The following THSD7B variants were observed in gnomAD, a reference collection of about 807,000 sequenced individuals.
THSD7B encodes thrombospondin type-1 domain-containing protein 7B.
A neutral mutation model predicts 213.6 loss-of-function variants in THSD7B; 138 were observed. The ratio of observed to expected loss-of-function variants is 0.65; its 90% CI spans 0.56 to 0.74. THSD7B has a LOEUF of 0.74. Among genes scored for constraint, THSD7B ranks in the 30% least tolerant of loss-of-function variants. THSD7B has a pLI of 0.00. For synonymous variants in THSD7B, 742 were observed against 687.0 expected (o/e 1.08, Z -1.25); for missense variants, 1,931 against 1,991.5 (o/e 0.97, Z 0.58).
At chr2:136,771,270 A>G (rs1212610244) in intron 1 of THSD7B, among the ~76,000 whole-genome samples, 1 of 152,164 alleles carries the variant, frequency 6.6e-6, no homozygotes, top group Non-Finnish European at 1.5e-5. Flanking sequence ...CTTCTGGCCA[A>G]TCACAGAGAG....
At chr2:137,089,245 GGTGT>G (rs70975799) in intron 3 of THSD7B, among the ~76,000 whole-genome samples, 12,847 of 126,458 alleles carry the variant, frequency 0.1, 1,013 homozygotes, top group African/African-American at 0.21. Context: ...TAAAGAAAGT[GGTGT>G]GTGTGTGTGT....
In THSD7B at chr2:136,950,409, G is replaced by A. The variant is rs117086681; in HGVS notation, c.139+68092G>A. ...TAGCAAACCTGCACGTTCTGCACAT[G>A]TATCCCAAAACTGAAAGTAAAATAA... On this transcript the variant is annotated intron_variant, in intron 2 of 27. Transcript: ENST00000409968. 7.6e-3 allele frequency among the ~76,000 whole-genome samples: 1,156 copies of A among 152,204 alleles called. 34 individuals carry two copies. The highest frequency in any genetic ancestry group is 0.075 in the East Asian group (386 of 5,180).
chr2:137,056,644 G>C lies in THSD7B; in HGVS notation c.364G>C (p.Gly122Arg). 2 of 1,613,940 alleles carry C rather than the reference G, an allele frequency of 1.2e-6. No homozygotes were observed. Among genetic ancestry groups the C allele is most frequent in the Non-Finnish European group, 1.7e-6 (2 of 1,179,886 alleles). ...HHCVLVPYARGEVKPRTAECV... is the reference protein window; with the variant it reads ...HHCVLVPYARREVKPRTAECV... The stretch of plus-strand genomic sequence containing the variant: ...CTGTGTGCTTGTTCCTTACGCTCGC[G>C]GTGAAGTCAAGCCTCGGACTGCAGA... Residue 122 changes from glycine (G) to arginine (R), a missense_variant, in exon 3 of 28, where the codon GGT (glycine) becomes CGT (arginine). By Grantham distance (125) the Gly-to-Arg change is moderately radical. Transcript: ENST00000409968.
chr2:137,345,429 GA>G (rs1367296523), intron 12 of THSD7B, among the ~76,000 whole-genome samples: 1 of 151,424 alleles, frequency 6.6e-6, no homozygotes, highest in African/African-American at 2.4e-5. Context: ...TTTGTGAGGA[GA>G]AAAAAATAGA....
chr2:137,568,142 A>T (rs1042553073), intron 16 of THSD7B, among the ~76,000 whole-genome samples: 10 of 152,102 alleles, frequency 6.6e-5, no homozygotes, highest in African/African-American at 2.2e-4. Context: ...TCTCACTAAG[A>T]GGTTTCTCTG....
At chr2:136,769,543 G>C (rs796973786) in intron 1 of THSD7B, among the ~76,000 whole-genome samples, 1 of 151,990 alleles carries the variant, frequency 6.6e-6, no homozygotes, top group Non-Finnish European at 1.5e-5. Context: ...GAATCTAAGC[G>C]TGGTTTGTAA....
chr2:137,534,818 A>G (rs1027281327), intron 15 of THSD7B, among the ~76,000 whole-genome samples: 3 of 151,812 alleles, frequency 2.0e-5, no homozygotes, highest in African/African-American at 4.8e-5. Flanking sequence ...CTATATAATA[A>G]CATATTCTTT....
intron 15 of THSD7B, among the ~76,000 whole-genome samples, chr2:137,493,431 C>T (rs1430257536): frequency 1.3e-5 from 2 of 152,130 alleles, no homozygotes; most frequent in East Asian, 3.9e-4. Flanking sequence ...TAATGACCTG[C>T]AATGCAGCTG....
intron 12 of THSD7B, among the ~76,000 whole-genome samples, chr2:137,322,567 C>G (rs1157024085): frequency 6.6e-6 from 1 of 152,166 alleles, no homozygotes; most frequent in African/African-American, 2.4e-5. Context: ...TCTATCAAGA[C>G]AGTGTGGGAC....
At chr2:136,900,355 G>T (rs1684042831) in intron 2 of THSD7B, among the ~76,000 whole-genome samples, 1 of 151,958 alleles carries the variant, frequency 6.6e-6, no homozygotes, top group South Asian at 2.1e-4. Context: ...GTTTCCTTTG[G>T]CTCCTTTACC....
At chr2:137,588,309 T>C (rs4954523) in intron 17 of THSD7B, among the ~76,000 whole-genome samples, 33,777 of 152,056 alleles carry the variant, frequency 0.22, 3,927 homozygotes, top group Middle Eastern at 0.32. Context: ...TACCCTGCTT[T>C]GGCTCATGGT....
chr2:136,928,542 A>T (rs927327936), intron 2 of THSD7B, among the ~76,000 whole-genome samples: 3 of 152,210 alleles, frequency 2.0e-5, no homozygotes, highest in Admixed American at 2.0e-4. Flanking sequence ...ACCTGAAAGG[A>T]TGCATATCTA....
chr2:136,812,634 C>T (rs1261496200), intron 1 of THSD7B, among the ~76,000 whole-genome samples: 2 of 152,148 alleles, frequency 1.3e-5, no homozygotes, highest in Non-Finnish European at 2.9e-5. Context: ...CAGAAGTAGG[C>T]ATCACAGTAT....
At chr2:136,822,622 T>G (rs1682583504) in intron 1 of THSD7B, among the ~76,000 whole-genome samples, 1 of 152,208 alleles carries the variant, frequency 6.6e-6, no homozygotes, top group African/African-American at 2.4e-5. Flanking sequence ...TGTAATTAAT[T>G]CCAAGATTTT....
At chr2:137,443,825 A>C (rs1687471637) in intron 14 of THSD7B, among the ~76,000 whole-genome samples, 1 of 152,102 alleles carries the variant, frequency 6.6e-6, no homozygotes, top group South Asian at 2.1e-4. Context: ...AATATAATTT[A>C]ATAAGTTTTT....
intron 2 of THSD7B, among the ~76,000 whole-genome samples, chr2:136,935,166 T>A (rs1684701220): frequency 6.6e-6 from 1 of 152,198 alleles, no homozygotes; most frequent in Non-Finnish European, 1.5e-5. Flanking sequence ...AAAACTACCT[T>A]TTTTTCTGTG....
At chr2:137,638,253 AC>A (rs1238101380) in intron 20 of THSD7B, among the ~76,000 whole-genome samples, 1 of 152,116 alleles carries the variant, frequency 6.6e-6, no homozygotes, top group Non-Finnish European at 1.5e-5. Context: ...TGTAGGAGGG[AC>A]CCAGGGTGAG....
intron 15 of THSD7B, chr2:137,511,992 C>CA (rs1158667823): frequency 6.6e-6 from 1 of 152,178 alleles, no homozygotes; most frequent in African/African-American, 2.4e-5. Flanking sequence ...CCAGTGGCCA[C>CA]AAAATCACTA....
intron 9 of THSD7B, among the ~76,000 whole-genome samples, chr2:137,235,405 G>GA (rs933958397): frequency 3.3e-5 from 5 of 152,220 alleles, no homozygotes; most frequent in African/African-American, 1.2e-4. Context: ...ACTATGACAG[G>GA]AAAAATCCAC....
Sources: gnomAD v4.1 joint callset for allele counts (sites outside exome capture counted in the v4.1 genomes callset) on GRCh38, gnomAD v4.1.1 for gene constraint, MANE v1.5 for transcripts, NCBI Gene and HGNC (gene_info 2026-07-23, HGNC 2026-07-21) for gene names.